CCDC33: variants seen among roughly 807,000 people sequenced by gnomAD.
The protein encoded by CCDC33 is coiled-coil domain containing 33.
A neutral mutation model predicts 91.9 loss-of-function variants in CCDC33; 94 were observed. The observed-to-expected ratio is 1.02, with a 90% CI of 0.87 to 1.21. The LOEUF is 1.21. CCDC33 is among the 50% of genes most tolerant of loss of function. The pLI, the probability that CCDC33 is intolerant of heterozygous loss-of-function variation, is 0.00. For synonymous variants in CCDC33, 396 were observed against 374.5 expected, an observed-to-expected ratio of 1.06 and a Z score of -0.66; for missense variants, 940 against 935.5, an observed-to-expected ratio of 1.00 and a Z score of -0.06.
chr15:74,335,155 A>G (rs1282979042), intron 18 of CCDC33, 67 bp downstream of exon 18: 1 of 1,235,356 alleles, frequency 8.1e-7, no homozygotes, highest in Admixed American at 1.7e-5. Context: ...CCGCACCCCC[A>G]AAGTCACTGG....
Position 74,279,979 on chromosome 15 carries a change from G to T in CCDC33, c.776G>T (p.Gly259Val). ...NGCPQLSKPG[G>V]PPEQPLWNQS... is the part of the protein sequence containing the mutation. ...TCCCTCCAGCTGTCCAAGCCTGGGG[G>T]ACCCCCAGAGCAGCCCCTGTGGAAT... The change falls in exon 8 of 19, where the codon GGA becomes GTA. Residue 259 changes from glycine (G) to valine (V), a missense_variant. Transcript: ENST00000398814. 2.5e-6 allele frequency: 4 copies of T among 1,614,012 alleles called. No homozygotes were observed. The highest frequency in any genetic ancestry group is 3.4e-6 in the Non-Finnish European group (4 of 1,179,942).
At chr15:74,307,263 G>A (rs1380755318) in intron 11 of CCDC33, among the ~76,000 whole-genome samples, 4 of 152,170 alleles carry the variant, frequency 2.6e-5, no homozygotes, top group Non-Finnish European at 2.9e-5. Flanking sequence ...TCCCTTCTGT[G>A]CTCTGCAAGC....
At position 74,271,712 on chromosome 15, in the gene CCDC33, C is replaced by A; in HGVS notation, c.556C>A (p.Arg186=). ...CTCCTCTCCTCTCCAGATCTTTCTC[C>A]GGGGAGTCAACGAGCCCCTGGCCAA... ...CNHMALEIFL[R]GVNEPLANNP... Residue 186 remains arginine, a synonymous_variant, in exon 6 of 19, where the codon CGG becomes AGG. Coordinates refer to ENST00000398814, the MANE Select transcript of CCDC33 (RefSeq NM_025055.5). 2 of 1,613,370 alleles carry A rather than the reference C, an allele frequency of 1.2e-6. No homozygotes were observed. The highest frequency in any genetic ancestry group is 2.2e-5 in the South Asian group (2 of 91,046).
chr15:74,208,069 A>G (rs1049480038), intron 1 of CCDC33: 13 of 1,255,616 alleles, frequency 1.0e-5, no homozygotes, highest in African/African-American at 1.5e-5. Flanking sequence ...GATTTAGACC[A>G]GGCTGTTCTG....
chr15:74,252,657 T>G (rs1312758667), intron 2 of CCDC33, among the ~76,000 whole-genome samples: 4 of 152,230 alleles, frequency 2.6e-5, no homozygotes, highest in East Asian at 1.9e-4. Flanking sequence ...AGATGACTAT[T>G]CCCATCTGGC....
At position 74,271,721 on chromosome 15, in the gene CCDC33, A is replaced by G. The variant is rs1336489190; in HGVS notation, c.565A>G (p.Asn189Asp). ...TCTCCAGATCTTTCTCCGGGGAGTC[A>G]ACGAGCCCCTGGCCAACAACCCCAA... ...MALEIFLRGV[N>D]EPLANNPNPI... Residue 189 changes from asparagine (N) to aspartate (D), a missense_variant, in exon 6 of 19, where the codon AAC becomes GAC. Asn to Asp is a conservative substitution (Grantham distance 23, BLOSUM62 1). Coordinates refer to ENST00000398814, the MANE Select transcript of CCDC33 (RefSeq NM_025055.5). 1 of 1,613,594 alleles carries G rather than the reference A, an allele frequency of 6.2e-7. No homozygotes were observed.
upstream of CCDC33, among the ~76,000 whole-genome samples, chr15:74,235,518 G>C (rs955207679): frequency 6.6e-6 from 1 of 152,136 alleles, no homozygotes; most frequent in Non-Finnish European, 1.5e-5. Flanking sequence ...ACACTGCCCA[G>C]TACCCCAAAT....
intron 2 of CCDC33, among the ~76,000 whole-genome samples, chr15:74,222,050 G>T (rs553164866): frequency 3.5e-4 from 53 of 152,302 alleles, no homozygotes; most frequent in African/African-American, 1.2e-3. Flanking sequence ...CGGCAAAAAG[G>T]CCATCAGATG....
intron 11 of CCDC33, among the ~76,000 whole-genome samples, chr15:74,322,918 C>G (rs1041681131): frequency 6.6e-6 from 1 of 152,188 alleles, no homozygotes; most frequent in Non-Finnish European, 1.5e-5. Flanking sequence ...CCTCTGCACC[C>G]ACTTCAACAC....
chr15:74,318,095 G>T lies in CCDC33; in HGVS notation c.1291-12094G>T, dbSNP rs1483279472. On this transcript the variant is annotated intron_variant, in intron 11 of 18. Coordinates refer to ENST00000398814, the MANE Select transcript of CCDC33 (RefSeq NM_025055.5). ...CCAGCTTGTGCTGCTGCGGGGTGGG[G>T]AGGACTCCTGAGGGGACAAGGGGGA... Among the ~76,000 whole-genome samples, 8 of 147,632 alleles carry T rather than the reference G, an allele frequency of 5.4e-5. No individual in the cohort carries two copies. In the East Asian group the frequency reaches 1.7e-3, roughly 31 times the overall value.
At chr15:74,228,756 C>T (rs955269609) in intron 2 of CCDC33, among the ~76,000 whole-genome samples, 2 of 152,190 alleles carry the variant, frequency 1.3e-5, no homozygotes, top group Non-Finnish European at 2.9e-5. Context: ...GACGCCTCCC[C>T]GTGGGATTGT....
chr15:74,244,762 C>A lies in CCDC33; in HGVS notation c.185+614C>A, dbSNP rs2075465035. Among the ~76,000 whole-genome samples the A allele has an allele frequency of 6.6e-6, 1 of 152,214 alleles. No homozygotes were observed. The highest frequency in any genetic ancestry group is 1.5e-5 in the Non-Finnish European group (1 of 68,034). On this transcript the variant is annotated intron_variant, in intron 2 of 18. Transcript: ENST00000398814. The surrounding 1 kb of genome is among the most constrained non-coding windows in gnomAD (Gnocchi z 4.2). ...GGGTCTCACTTCTTCCAGAAAGGCG[C>A]CAAGGGGCAACACAATCTCCATCCA...
At chr15:74,234,697 G>A (rs1444173202), upstream of CCDC33, among the ~76,000 whole-genome samples, 2 of 152,236 alleles carry the variant, frequency 1.3e-5, no homozygotes, top group African/African-American at 4.8e-5. Flanking sequence ...GCAGGGGCGT[G>A]GCTGCAGAGG....
chr15:74,331,408 C>T (rs1440859953), intron 15 of CCDC33, 112 bp downstream of exon 15: 5 of 1,068,180 alleles, frequency 4.7e-6, no homozygotes, highest in Non-Finnish European at 6.9e-6. Context: ...GTCCCCTGCA[C>T]TCAGTTATGT....
intron 3 of CCDC33, among the ~76,000 whole-genome samples, chr15:74,265,126 C>T (rs1046369824): frequency 1.3e-5 from 2 of 152,200 alleles, no homozygotes; most frequent in Non-Finnish European, 2.9e-5. Flanking sequence ...TCCTTCTCCA[C>T]CCCAACATCC....
rs147499512 is a variant in CCDC33 at position 74,288,697 on chromosome 15, C to T, written c.1095+6848C>T. Among the ~76,000 whole-genome samples, 359 of 152,264 alleles carry T rather than the reference C, an allele frequency of 2.4e-3. 2 individuals are homozygous for T. Among genetic ancestry groups the T allele is most frequent in the Non-Finnish European group, 7.9e-4 (54 of 68,028 alleles). On this transcript the variant is annotated intron_variant, in intron 10 of 18. Transcript: ENST00000398814. ...CCCATCTTCTAAGCTTGAGATCATT[C>T]TGGACCCTGATTTTATCATGCAACA...
intron 2 of CCDC33, among the ~76,000 whole-genome samples, chr15:74,258,427 G>T (rs1468658817): frequency 6.6e-6 from 1 of 152,194 alleles, no homozygotes; most frequent in South Asian, 2.1e-4. Context: ...AGGCGGCCAG[G>T]TCTTGACTAT....
chr15:74,221,221 T>TG (rs2074585466), intron 2 of CCDC33: 1 of 798,550 alleles, frequency 1.3e-6, no homozygotes, highest in Non-Finnish European at 1.5e-6. Context: ...CACTGGTTTT[T>TG]TTTTTTTTTT....
upstream of CCDC33, among the ~76,000 whole-genome samples, chr15:74,214,515 A>G (rs1002683078): frequency 2.6e-5 from 4 of 152,188 alleles, no homozygotes; most frequent in Non-Finnish European, 5.9e-5. Flanking sequence ...AACCCTGAGA[A>G]GGGAGGAGGG....
Sources: allele counts gnomAD v4.1 joint callset (sites outside exome capture counted in the v4.1 genomes callset), GRCh38; gene constraint gnomAD v4.1.1; non-coding constraint Gnocchi (gnomAD v3.1); transcripts MANE v1.5; gene names NCBI Gene and HGNC (gene_info 2026-07-23, HGNC 2026-07-21).